ABHD12B: variants seen among roughly 807,000 people sequenced by gnomAD.
The protein encoded by ABHD12B is protein ABHD12B.
Under a neutral mutation model 50.4 loss-of-function variants are expected in ABHD12B, and 42 were observed. The ratio of observed to expected loss-of-function variants is 0.83; its 90% CI spans 0.65 to 1.08. ABHD12B has a LOEUF of 1.08. Ranked by LOEUF, ABHD12B falls within the 50% of genes least tolerant of loss-of-function variation. ABHD12B has a pLI of 0.00. For synonymous variants in ABHD12B, 167 were observed against 160.3 expected (o/e 1.04, Z -0.32); for missense variants, 479 against 447.7 (o/e 1.07, Z -0.63).
intron 9 of ABHD12B, among the ~76,000 whole-genome samples, chr14:50,897,363 C>A (rs2050211890): frequency 1.3e-5 from 2 of 152,308 alleles, no homozygotes; most frequent in East Asian, 1.9e-4. Flanking sequence ...CATGAGCCAC[C>A]ATTCCCAGCC....
At chr14:50,888,208 CTT>C (rs11452625) in intron 8 of ABHD12B, among the ~76,000 whole-genome samples, 7 of 142,216 alleles carry the variant, frequency 4.9e-5, no homozygotes, top group Non-Finnish European at 6.1e-5. Context: ...TGCTTTCTTT[CTT>C]TTTTTTTTTT....
In ABHD12B at chr14:50,903,417, A is replaced by G. The variant is rs2050287968; in HGVS notation, c.892A>G (p.Ile298Val). 2.5e-6 allele frequency: 4 copies of G among 1,612,484 alleles called. No individual in the cohort carries two copies. The highest frequency in any genetic ancestry group is 3.4e-6 in the Non-Finnish European group (4 of 1,178,964). ...NVKFLSSPLL[I>V]LHGEDDRTVP... ...TAAATTCCTTTCTTCTCCTCTTCTC[A>G]TCTTACATGGAGAGGATGACAGGAC... is the stretch of plus-strand genomic sequence containing the variant. Residue 298 changes from isoleucine to valine, a missense_variant, in exon 11 of 13, where the codon ATC becomes GTC. Physicochemically the swap from Ile to Val is conservative, Grantham distance 29. Transcript: ENST00000337334.
chr14:50,898,108 T>A (rs1219192212), intron 9 of ABHD12B, among the ~76,000 whole-genome samples: 1 of 152,188 alleles, frequency 6.6e-6, no homozygotes, highest in Admixed American at 6.5e-5. Context: ...ATGGGGCTGT[T>A]CTACGTTATA....
intron 9 of ABHD12B, chr14:50,893,309 T>C (rs2050145435): frequency 6.4e-6 from 1 of 156,424 alleles, no homozygotes. Context: ...ACAAAAGAAG[T>C]ATAAATGGCC....
intron 1 of ABHD12B, among the ~76,000 whole-genome samples, chr14:50,877,005 G>C (rs913849531): frequency 6.6e-6 from 1 of 152,188 alleles, no homozygotes; most frequent in Admixed American, 6.5e-5. Flanking sequence ...GCTTGAGACA[G>C]AGGTGTCCTT....
At chr14:50,901,174 G>A (rs759012250) in intron 9 of ABHD12B, among the ~76,000 whole-genome samples, 1 of 152,128 alleles carries the variant, frequency 6.6e-6, no homozygotes, top group Non-Finnish European at 1.5e-5. Context: ...CAGATAAAAC[G>A]GATATTTCTA....
At chr14:50,883,530 T>C (rs781546618) in intron 5 of ABHD12B, among the ~76,000 whole-genome samples, 59 of 152,392 alleles carry the variant, frequency 3.9e-4, no homozygotes, top group Admixed American at 9.1e-4. Flanking sequence ...ACCCTGCCCT[T>C]TGCATTCCCC....
chr14:50,876,173 A>G (rs2049861429), intron 1 of ABHD12B, among the ~76,000 whole-genome samples: 1 of 152,174 alleles, frequency 6.6e-6, no homozygotes, highest in African/African-American at 2.4e-5. Flanking sequence ...TGCTATTTTA[A>G]AGTATTATGA....
At position 50,889,914 on chromosome 14, in the gene ABHD12B, A is replaced by G. The variant is rs146082964; in HGVS notation, c.780+1011A>G. Among the ~76,000 whole-genome samples, 750 of 152,344 alleles carry G rather than the reference A, an allele frequency of 4.9e-3. 9 individuals carry two copies. The highest frequency in any genetic ancestry group is 0.017 in the African/African-American group (713 of 41,568). ...GCCATCATAGATAGAATTCCATCAT[A>G]GACAGAATTTCTGAAACTTACTTAA... On this transcript the variant is annotated intron_variant, in intron 9 of 12. Coordinates refer to ENST00000337334, the MANE Select transcript of ABHD12B (RefSeq NM_001206673.2).
At chr14:50,889,872 A>T (rs936197074) in intron 9 of ABHD12B, among the ~76,000 whole-genome samples, 3 of 152,136 alleles carry the variant, frequency 2.0e-5, no homozygotes, top group Non-Finnish European at 2.9e-5. Context: ...AACTTTAGGA[A>T]TTTTTTTGTA....
chr14:50,882,372 G>GTTTTTTTTTTTTTTT (rs1486684470), intron 5 of ABHD12B, among the ~76,000 whole-genome samples: 1 of 41,622 alleles, frequency 2.4e-5, no homozygotes, highest in African/African-American at 8.8e-5. Flanking sequence ...CAGAATGTCT[G>GTTTTTTTTTTTTTTT]CTTTTTTTTT....
At chr14:50,885,490 G>A in intron 5 of ABHD12B, 124 bp from the exon 6 acceptor site, 1 of 1,069,804 alleles carries the variant, frequency 9.3e-7, no homozygotes, top group Non-Finnish European at 1.4e-6. Context: ...AAATACTAAT[G>A]AACAAGTTAA....
chr14:50,891,436 G>C (rs970496216), intron 9 of ABHD12B: 1 of 152,174 alleles, frequency 6.6e-6, no homozygotes, highest in Non-Finnish European at 1.5e-5. Context: ...GTAGAGACGG[G>C]GTTTCACCGT....
chr14:50,878,775 A>G lies in ABHD12B; in HGVS notation c.263A>G (p.Lys88Arg), dbSNP rs1232617674. The change falls in exon 3 of 13, where the codon AAA becomes AGA. Residue 88 changes from lysine to arginine, a missense_variant. Lys to Arg is a conservative substitution (Grantham distance 26). Transcript: ENST00000337334. ...FKAPFLVDLK[K>R]PELKIPHTVN... ...GCCCCATTTCTTGTGGATTTAAAGA[A>G]ACCAGAGTTAAAGATTCCTCACACA... 7.4e-6 allele frequency: 12 copies of G among 1,613,886 alleles called. No individual in the cohort carries two copies. The African/African-American group carries it at 1.2e-4, about 16-fold the overall frequency.
intron 1 of ABHD12B, among the ~76,000 whole-genome samples, chr14:50,873,233 C>A (rs1383269820): frequency 7.0e-6 from 1 of 142,286 alleles, no homozygotes; most frequent in African/African-American, 2.6e-5. Context: ...TTTTTTTTTT[C>A]TTTTTTGAGA....
intron 8 of ABHD12B, among the ~76,000 whole-genome samples, chr14:50,887,928 C>G (rs1426331369): frequency 6.6e-6 from 1 of 152,184 alleles, no homozygotes; most frequent in African/African-American, 2.4e-5. Flanking sequence ...GTTTCTGATT[C>G]TCTCAGCCAC....
chr14:50,897,071 GTTT>G lies in ABHD12B; in HGVS notation c.781-4742_781-4740del, dbSNP rs546998445. ...CCTAATAATATTATGATTTAGTTTA[GTTT>G]TTTTTTTTTTTTTTTGAGATGGAGT... On this transcript the variant is annotated intron_variant, in intron 9 of 12. Coordinates refer to ENST00000337334, the MANE Select transcript of ABHD12B (RefSeq NM_001206673.2). Among the ~76,000 whole-genome samples, 188 of 128,010 alleles carry G rather than the reference GTTT, an allele frequency of 1.5e-3. 1 individual carries two copies. Among genetic ancestry groups the G allele is most frequent in the African/African-American group, 4.7e-3 (158 of 33,662 alleles). 84.0% of individuals were successfully genotyped at this position (128,010 alleles called of 152,430 possible). A position where few individuals can be genotyped will look rare whatever the true frequency, so the allele number is the denominator to read the frequency against.
intron 2 of ABHD12B, 66 bp downstream of exon 2, chr14:50,878,145 A>C (rs1057161819): frequency 8.2e-6 from 11 of 1,337,166 alleles, no homozygotes; most frequent in Non-Finnish European, 1.1e-5. Context: ...CAGTACCCTT[A>C]AAGTTGTGAC....
Position 50,873,084 on chromosome 14 carries a change from A to G in ABHD12B, c.104+806A>G, listed in dbSNP as rs536797791. Among the ~76,000 whole-genome samples the G allele has an allele frequency of 2.6e-5, 4 of 152,116 alleles. No homozygotes were observed. The East Asian group carries it at 7.7e-4, about 29-fold the overall frequency. ...GGTGTGGGAAGGTATTGGCATTTTTACTTCCCTCTTTCTATTCCTTTTGTT... is the reference window on the plus strand; with the variant it reads ...GGTGTGGGAAGGTATTGGCATTTTTGCTTCCCTCTTTCTATTCCTTTTGTT... On this transcript the variant is annotated intron_variant, in intron 1 of 12. Transcript: ENST00000337334.
Sources: gnomAD v4.1 joint callset for allele counts (sites outside exome capture counted in the v4.1 genomes callset) on GRCh38, gnomAD v4.1.1 for gene constraint, MANE v1.5 for transcripts, NCBI Gene and HGNC (gene_info 2026-07-23, HGNC 2026-07-21) for gene names.